Variants in LEKR1 observed in about 807,000 individuals in gnomAD.
LEKR1 encodes protein LEKR1.
Under a neutral mutation model 72.4 loss-of-function variants are expected in LEKR1, and 59 were observed. The observed-to-expected ratio is 0.82, with a 90% CI of 0.66 to 1.01. LEKR1 has a LOEUF of 1.01. LEKR1 is among the 50% of genes least tolerant of loss of function. LEKR1 has a pLI of 0.00. For missense variants in LEKR1, 728 were observed against 759.2 expected (o/e 0.96, Z 0.48); for synonymous variants, 257 against 263.2 (o/e 0.98, Z 0.23).
chr3:156,948,131 G>T (rs1226496361), intron 6 of LEKR1, among the ~76,000 whole-genome samples: 1 of 150,946 alleles, frequency 6.6e-6, no homozygotes, highest in Non-Finnish European at 1.5e-5. Flanking sequence ...TTTGAATATT[G>T]TAAGTCTTTT....
At chr3:156,958,331 T>G (rs573375448) in intron 6 of LEKR1, among the ~76,000 whole-genome samples, 1 of 152,302 alleles carries the variant, frequency 6.6e-6, no homozygotes, top group African/African-American at 2.4e-5. Context: ...CCCAATTCAT[T>G]TGGCAAAAGT....
intron 1 of LEKR1, among the ~76,000 whole-genome samples, chr3:156,828,748 T>C (rs1227773462): frequency 6.6e-6 from 1 of 152,192 alleles, no homozygotes; most frequent in Non-Finnish European, 1.5e-5. Context: ...TTAGATAAAA[T>C]TGGCACTTGG....
chr3:156,834,328 A>G (rs1183746420), intron 2 of LEKR1, among the ~76,000 whole-genome samples: 1 of 152,208 alleles, frequency 6.6e-6, no homozygotes, highest in African/African-American at 2.4e-5. Context: ...TCACACCCAC[A>G]GAGCTTCCTT....
At chr3:156,891,537 T>A (rs948826829) in intron 3 of LEKR1, among the ~76,000 whole-genome samples, 2 of 152,164 alleles carry the variant, frequency 1.3e-5, no homozygotes, top group Non-Finnish European at 2.9e-5. Context: ...AAGATTAATC[T>A]GAGGGGCAGT....
intron 3 of LEKR1, among the ~76,000 whole-genome samples, chr3:156,883,484 C>A (rs1400717395): frequency 6.6e-6 from 1 of 152,086 alleles, no homozygotes; most frequent in East Asian, 1.9e-4. Flanking sequence ...TTGGAGGGGT[C>A]AGGAGTAGAA....
At chr3:156,982,512 C>G (rs900834882) in intron 7 of LEKR1, among the ~76,000 whole-genome samples, 3 of 152,162 alleles carry the variant, frequency 2.0e-5, no homozygotes, top group Admixed American at 1.3e-4. Flanking sequence ...GCAAGGGGAA[C>G]AGGGCTGCTA....
At chr3:156,896,601 G>T (rs1333165769) in intron 3 of LEKR1, among the ~76,000 whole-genome samples, 1 of 152,204 alleles carries the variant, frequency 6.6e-6, no homozygotes, top group South Asian at 2.1e-4. Flanking sequence ...ATACACTGCT[G>T]TAGAAATGTA....
At chr3:156,830,738 A>T (rs1393740247) in intron 2 of LEKR1, among the ~76,000 whole-genome samples, 3 of 152,204 alleles carry the variant, frequency 2.0e-5, no homozygotes, top group Non-Finnish European at 1.5e-5. Flanking sequence ...GGAGAGAAAA[A>T]AAAATCATTA....
chr3:156,963,864 G>A (rs1374172590), intron 6 of LEKR1, among the ~76,000 whole-genome samples: 3 of 152,144 alleles, frequency 2.0e-5, no homozygotes, highest in African/African-American at 7.2e-5. Context: ...CTGCCTAGGA[G>A]CACCAAAGCA....
At chr3:156,898,721 G>A (rs940353213) in intron 3 of LEKR1, among the ~76,000 whole-genome samples, 33 of 151,996 alleles carry the variant, frequency 2.2e-4, no homozygotes, top group African/African-American at 7.2e-4. Context: ...ACCATTTTTG[G>A]AATGCGATGG....
At chr3:156,859,573 A>G (rs890342663) in intron 3 of LEKR1, among the ~76,000 whole-genome samples, 1 of 152,160 alleles carries the variant, frequency 6.6e-6, no homozygotes, top group South Asian at 2.1e-4. Context: ...ATAGTTGATA[A>G]AGCTACATTG....
chr3:156,903,249 A>C (rs995746248), intron 3 of LEKR1, among the ~76,000 whole-genome samples: 6 of 151,966 alleles, frequency 3.9e-5, no homozygotes, highest in African/African-American at 1.4e-4. Flanking sequence ...GGTTATACTC[A>C]CTTTTGATAT....
rs750917935 is a variant in LEKR1 at position 156,858,229 on chromosome 3, C to T, written c.263+5247C>T. The stretch of plus-strand genomic sequence containing the variant: ...TCTCTTTCCTTGAGTAGTTTATTTG[C>T]GTTTGATTGAGAAAGAGACAAGAAA... On this transcript the variant is annotated intron_variant, in intron 3 of 12. Coordinates refer to ENST00000356539, the MANE Select transcript of LEKR1 (RefSeq NM_001004316.3). Among the ~76,000 whole-genome samples the T allele has an allele frequency of 5.9e-5, 9 of 151,784 alleles. No homozygotes were observed. In the East Asian group the frequency reaches 1.4e-3, roughly 23 times the overall value.
At chr3:156,955,953 A>G (rs1727590684) in intron 6 of LEKR1, among the ~76,000 whole-genome samples, 1 of 65,848 alleles carries the variant, frequency 1.5e-5, no homozygotes, top group Non-Finnish European at 3.1e-5. Flanking sequence ...ATACTGTAGA[A>G]TAGTTAAAAA....
chr3:156,878,750 A>G (rs1261637168), intron 3 of LEKR1, among the ~76,000 whole-genome samples: 1 of 151,980 alleles, frequency 6.6e-6, no homozygotes, highest in African/African-American at 2.4e-5. Flanking sequence ...CTTGAATTGT[A>G]GCTCTCATAA....
chr3:156,920,052 G>T (rs1724047431), intron 3 of LEKR1, among the ~76,000 whole-genome samples: 1 of 151,676 alleles, frequency 6.6e-6, no homozygotes, highest in South Asian at 2.1e-4. Flanking sequence ...TCCACTTTCT[G>T]CCATAAGTGG....
At position 156,904,067 on chromosome 3, in the gene LEKR1, G is replaced by C. The variant is rs541361345; in HGVS notation, c.264-16508G>C. 4.0e-4 allele frequency among the ~76,000 whole-genome samples: 61 copies of C among 152,272 alleles called. No individual in the cohort carries two copies. In the South Asian group the frequency reaches 0.012, roughly 31 times the overall value. On this transcript the variant is annotated intron_variant, in intron 3 of 12. Coordinates refer to ENST00000356539, the MANE Select transcript of LEKR1 (RefSeq NM_001004316.3). Reference sequence around the variant, plus strand: ...CACTGCATGAGAAAGACTATCCAGGGATTTTATATGCTTTTCTATCCTTTA... The same window carrying C: ...CACTGCATGAGAAAGACTATCCAGGCATTTTATATGCTTTTCTATCCTTTA...
intron 12 of LEKR1, among the ~76,000 whole-genome samples, chr3:157,040,765 A>G (rs1735286150): frequency 6.6e-6 from 1 of 152,220 alleles, no homozygotes; most frequent in Non-Finnish European, 1.5e-5. Flanking sequence ...GGTCTAAAGC[A>G]TGAACAAAGC....
At chr3:156,893,910 C>A (rs1052272615) in intron 3 of LEKR1, among the ~76,000 whole-genome samples, 1 of 152,176 alleles carries the variant, frequency 6.6e-6, no homozygotes, top group African/African-American at 2.4e-5. Flanking sequence ...ACTACCCCTT[C>A]CAAGTTGGGA....
Sources: allele counts gnomAD v4.1 joint callset (sites outside exome capture counted in the v4.1 genomes callset), GRCh38; gene constraint gnomAD v4.1.1; transcripts MANE v1.5; gene names NCBI Gene and HGNC (gene_info 2026-07-23, HGNC 2026-07-21).